Variants in GRID1 observed in about 807,000 individuals in gnomAD.
GRID1 encodes glutamate ionotropic receptor delta type subunit 1, also known as glutamate receptor ionotropic, delta-1.
A neutral mutation model predicts 98.0 loss-of-function variants in GRID1; 28 were observed. The observed-to-expected ratio is 0.29, with a 90% CI of 0.21 to 0.39. GRID1 has a LOEUF of 0.39. Ranked by LOEUF, GRID1 falls within the 10% of genes least tolerant of loss-of-function variation. GRID1 has a pLI of 1.00. For missense variants in GRID1, 1,111 were observed against 1,340.5 expected, an observed-to-expected ratio of 0.83 and a Z score of 2.67; for synonymous variants, 553 against 538.5, an observed-to-expected ratio of 1.03 and a Z score of -0.37.
chr10:85,814,195 A>T (rs964243511), intron 8 of GRID1, among the ~76,000 whole-genome samples: 14 of 151,910 alleles, frequency 9.2e-5, no homozygotes, highest in African/African-American at 2.7e-4. Context: ...TGGGCTGCAT[A>T]TACAAGCAAC....
intron 8 of GRID1, among the ~76,000 whole-genome samples, chr10:85,751,240 T>G (rs1205420393): frequency 6.6e-6 from 1 of 152,194 alleles, no homozygotes; most frequent in Non-Finnish European, 1.5e-5. Flanking sequence ...GGCCCCCTTC[T>G]CTTGGTAGTG....
At chr10:86,164,755 T>C (rs915930456) in intron 3 of GRID1, among the ~76,000 whole-genome samples, 30 of 152,222 alleles carry the variant, frequency 2.0e-4, no homozygotes, top group Middle Eastern at 6.8e-3. Flanking sequence ...AGCTGAAGGT[T>C]TGGCTTCCTC....
At chr10:86,116,884 G>C (rs1224367059) in intron 4 of GRID1, among the ~76,000 whole-genome samples, 2 of 152,130 alleles carry the variant, frequency 1.3e-5, no homozygotes, top group African/African-American at 4.8e-5. Context: ...CAGAGAGGCA[G>C]AGGTGGCCCA....
At chr10:85,862,933 G>A (rs752366785) in intron 6 of GRID1, among the ~76,000 whole-genome samples, 22 of 152,064 alleles carry the variant, frequency 1.4e-4, no homozygotes, top group Non-Finnish European at 1.0e-4. Flanking sequence ...TGGAGCACTG[G>A]GGGCAGGGAA....
intron 5 of GRID1, among the ~76,000 whole-genome samples, chr10:85,896,707 G>C (rs1222201046): frequency 1.3e-5 from 2 of 152,060 alleles, no homozygotes; most frequent in African/African-American, 4.8e-5. Flanking sequence ...CTAAAATATT[G>C]GTAAAAACAA....
intron 3 of GRID1, among the ~76,000 whole-genome samples, chr10:86,152,367 C>T (rs1385240694): frequency 6.6e-6 from 1 of 152,186 alleles, no homozygotes; most frequent in Non-Finnish European, 1.5e-5. Flanking sequence ...GAGACCAGGG[C>T]CTAGGGCCCA....
intron 2 of GRID1, among the ~76,000 whole-genome samples, chr10:86,323,822 G>T (rs1213210773): frequency 6.6e-6 from 1 of 152,204 alleles, no homozygotes; most frequent in Admixed American, 6.5e-5. Flanking sequence ...TTTTAAAAAT[G>T]AATCAAAGAA....
intron 8 of GRID1, among the ~76,000 whole-genome samples, chr10:85,794,401 G>C (rs1408958500): frequency 6.6e-6 from 1 of 152,184 alleles, no homozygotes; most frequent in Admixed American, 6.5e-5. Flanking sequence ...AATGTTTTCA[G>C]GATCATGTTC....
At chr10:86,329,147 C>T (rs1260250915) in intron 2 of GRID1, among the ~76,000 whole-genome samples, 1 of 152,208 alleles carries the variant, frequency 6.6e-6, no homozygotes. Flanking sequence ...GGGACAGCTT[C>T]AGGGCATCCC....
At chr10:86,060,595 G>T (rs951680152) in intron 4 of GRID1, among the ~76,000 whole-genome samples, 1 of 152,222 alleles carries the variant, frequency 6.6e-6, no homozygotes, top group Non-Finnish European at 1.5e-5. Flanking sequence ...TAAAGCCCGG[G>T]TCACTTAACC....
intron 12 of GRID1, among the ~76,000 whole-genome samples, chr10:85,651,255 G>T (rs764256191): frequency 3.6e-4 from 55 of 152,202 alleles, no homozygotes; most frequent in Non-Finnish European, 6.9e-4. Flanking sequence ...AGCCCTTCTA[G>T]TAGACTGCTT....
intron 4 of GRID1, among the ~76,000 whole-genome samples, chr10:85,928,372 C>A (rs1841804402): frequency 6.6e-6 from 1 of 152,234 alleles, no homozygotes; most frequent in Non-Finnish European, 1.5e-5. Context: ...AAGGGCTTCA[C>A]TCAGGCAAAA....
chr10:85,754,105 A>T (rs1842073325), intron 8 of GRID1, among the ~76,000 whole-genome samples: 2 of 152,222 alleles, frequency 1.3e-5, no homozygotes, highest in Admixed American at 1.3e-4. Context: ...GAGAGCACTG[A>T]TCTTGTGAAA....
chr10:86,346,539 G>A (rs767530682), intron 2 of GRID1, among the ~76,000 whole-genome samples: 78 of 152,330 alleles, frequency 5.1e-4, no homozygotes, highest in Non-Finnish European at 9.7e-4. Context: ...TTCTTAATGA[G>A]ATTAGGCAGG....
chr10:86,114,935 A>G (rs1844551241), intron 4 of GRID1, among the ~76,000 whole-genome samples: 1 of 152,210 alleles, frequency 6.6e-6, no homozygotes, highest in Admixed American at 6.5e-5. Flanking sequence ...TAGTGACAGC[A>G]GGTAAGAATC....
intron 5 of GRID1, among the ~76,000 whole-genome samples, chr10:85,871,294 C>A (rs1843276127): frequency 6.6e-6 from 1 of 152,212 alleles, no homozygotes; most frequent in Non-Finnish European, 1.5e-5. Context: ...GAATGCTGTA[C>A]TGACAGTGAA....
chr10:86,247,985 A>G (rs1388430687), intron 2 of GRID1, among the ~76,000 whole-genome samples: 1 of 152,180 alleles, frequency 6.6e-6, no homozygotes, highest in East Asian at 1.9e-4. Flanking sequence ...TGACAACCAG[A>G]TCCCCCCACA....
chr10:86,310,208 C>A (rs1847814004), intron 2 of GRID1, among the ~76,000 whole-genome samples: 1 of 152,218 alleles, frequency 6.6e-6, no homozygotes, highest in Non-Finnish European at 1.5e-5. Context: ...CATCCCCAAG[C>A]CCAGATTCTT....
chr10:85,970,007 G>A (rs1404025758), intron 4 of GRID1, among the ~76,000 whole-genome samples: 1 of 151,388 alleles, frequency 6.6e-6, no homozygotes, highest in Non-Finnish European at 1.5e-5. Context: ...TAAAAGAGGG[G>A]ATTTCACTAC....
Sources: allele counts gnomAD v4.1 joint callset (sites outside exome capture counted in the v4.1 genomes callset), GRCh38; gene constraint gnomAD v4.1.1; transcripts MANE v1.5; gene names NCBI Gene and HGNC (gene_info 2026-07-23, HGNC 2026-07-21).